Variants in SPIRE2 observed in about 807,000 individuals in gnomAD.
SPIRE2 encodes the protein protein spire homolog 2.
Under a neutral mutation model 80.7 loss-of-function variants are expected in SPIRE2, and 76 were observed. The observed-to-expected ratio is 0.94, with a 90% CI of 0.78 to 1.14. The LOEUF is 1.14. Among genes scored for constraint, SPIRE2 ranks in the 50% most tolerant of loss-of-function variants. The probability of loss-of-function intolerance (pLI) is 0.00; values close to 1 mark genes in which losing one functional copy is unlikely to be tolerated. For missense variants in SPIRE2, 1,196 were observed against 1,015.3 expected (o/e 1.18, Z -2.42); for synonymous variants, 535 against 432.6 (o/e 1.24, Z -2.94).
intron 1 of SPIRE2, among the ~76,000 whole-genome samples, chr16:89,842,459 C>A (rs965236801): frequency 7.3e-5 from 11 of 151,592 alleles, no homozygotes; most frequent in African/African-American, 2.4e-4. Flanking sequence ...GTGATCCACC[C>A]ACTTCGGCCT....
At chr16:89,832,657 G>C (rs370698819) in intron 1 of SPIRE2, among the ~76,000 whole-genome samples, 1 of 152,204 alleles carries the variant, frequency 6.6e-6, no homozygotes, top group East Asian at 1.9e-4. Flanking sequence ...TGCTTCTATT[G>C]CACCCTGGGA....
At chr16:89,844,835 G>A (rs1010475100) in intron 1 of SPIRE2, among the ~76,000 whole-genome samples, 2 of 152,120 alleles carry the variant, frequency 1.3e-5, no homozygotes, top group Non-Finnish European at 2.9e-5. Context: ...CTCCCACCTC[G>A]GCATCTCAAA....
rs1597226755 is a variant in SPIRE2, at chr16:89,869,047, A to AT, written c.1807-520_1807-519insT. On this transcript the variant is annotated intron_variant, in intron 13 of 14. Coordinates refer to ENST00000378247, the MANE Select transcript of SPIRE2 (RefSeq NM_032451.2). Reference sequence around the variant, plus strand: ...TCTGTGTCTTAAAAAAAAAAAAAAAAAAAAAAATATATATATATATATATA... The same window carrying AT: ...TCTGTGTCTTAAAAAAAAAAAAAAAATAAAAAAATATATATATATATATATA... Among the ~76,000 whole-genome samples the AT allele has an allele frequency of 8.6e-5, 3 of 34,962 alleles. 1 individual carries two copies. The highest frequency in any genetic ancestry group is 3.8e-4 in the African/African-American group (2 of 5,260). 22.9% of individuals were successfully genotyped at this position (34,962 alleles called of 152,430 possible).
chr16:89,869,553 C>T lies in SPIRE2; in HGVS notation c.1807-14C>T, dbSNP rs1567679861. 2 of 1,568,874 alleles carry T rather than the reference C, an allele frequency of 1.3e-6. No individual in the cohort carries two copies. Among genetic ancestry groups the T allele is most frequent in the East Asian group, 2.2e-5 (1 of 44,652 alleles). Reference sequence around the variant, plus strand: ...GGTGGTGCCTGGTTCATACCTCCTCCCTCTGTGCTGCAGATGAAGATGCCT... The same window carrying T: ...GGTGGTGCCTGGTTCATACCTCCTCTCTCTGTGCTGCAGATGAAGATGCCT... On this transcript the variant is annotated splice_polypyrimidine_tract_variant and intron_variant, in intron 13 of 14. Coordinates refer to ENST00000378247, the MANE Select transcript of SPIRE2 (RefSeq NM_032451.2).
intron 1 of SPIRE2, among the ~76,000 whole-genome samples, chr16:89,835,906 G>A (rs1567668987): frequency 6.6e-6 from 1 of 152,144 alleles, no homozygotes; most frequent in South Asian, 2.1e-4. Context: ...CAGGTGTGGT[G>A]GCTCACACCT....
At chr16:89,864,591 G>A (rs767283361) in intron 12 of SPIRE2, among the ~76,000 whole-genome samples, 34 of 152,152 alleles carry the variant, frequency 2.2e-4, no homozygotes, top group Non-Finnish European at 4.3e-4. Flanking sequence ...GGTGCTCAGG[G>A]GCAGGAATGA....
rs2041836613 is a variant in SPIRE2, at chr16:89,871,129, C to T, written c.*857C>T. 6.6e-6 allele frequency: 1 copy of T among 152,654 alleles called. No homozygotes were observed. The highest frequency in any genetic ancestry group is 1.5e-5 in the Non-Finnish European group (1 of 68,498). The allele number at this position is 152,654 out of a possible 1,614,324, so 9.5% of individuals were successfully genotyped here. A position where few individuals can be genotyped will look rare whatever the true frequency, so the allele number is the denominator to read the frequency against. On this transcript the variant is annotated 3_prime_UTR_variant, in exon 15 of 15. Coordinates refer to ENST00000378247, the MANE Select transcript of SPIRE2 (RefSeq NM_032451.2). The stretch of plus-strand genomic sequence containing the variant: ...TGCCAAGCTGCTCCCTGCCCTTGCC[C>T]TTTCCCTTTCCCTGGGGTCCAAACC...
chr16:89,859,051 C>A, intron 8 of SPIRE2, 114 bp from the exon 9 acceptor site: 1 of 966,398 alleles, frequency 1.0e-6, no homozygotes. Context: ...GTGGAGGCTG[C>A]CCCACATCGC....
chr16:89,861,457 G>A (rs959757095), intron 10 of SPIRE2, among the ~76,000 whole-genome samples: 18 of 152,210 alleles, frequency 1.2e-4, no homozygotes, highest in African/African-American at 3.4e-4. Flanking sequence ...GGCACTGTGC[G>A]TATCCCCACC....
Position 89,860,792 on chromosome 16 carries a change from G to T in SPIRE2, c.1572G>T (p.Trp524Cys). The T allele has an allele frequency of 6.7e-7, 1 of 1,501,908 alleles. No homozygotes were observed. The highest frequency in any genetic ancestry group is 8.9e-7 in the Non-Finnish European group (1 of 1,124,746). 93.0% of individuals were successfully genotyped at this position (1,501,908 alleles called of 1,614,324 possible). A position where few individuals can be genotyped will look rare whatever the true frequency, so the allele number is the denominator to read the frequency against. ...ASMTPDAKHL[W>C]LEFSHPVESL... is the part of the protein sequence containing the mutation. Reference sequence around the variant, plus strand: ...TGACCCCCGATGCCAAACACCTGTGGCTGGTGAGTGAGGGTGCGATTGTCG... The same window carrying T: ...TGACCCCCGATGCCAAACACCTGTGTCTGGTGAGTGAGGGTGCGATTGTCG... The change falls in exon 10 of 15, where the codon TGG becomes TGT. Residue 524 changes from tryptophan to cysteine, a missense_variant. Coordinates refer to ENST00000378247, the MANE Select transcript of SPIRE2 (RefSeq NM_032451.2).
chr16:89,841,089 C>G (rs546982730), intron 1 of SPIRE2, among the ~76,000 whole-genome samples: 1 of 150,996 alleles, frequency 6.6e-6, no homozygotes, highest in South Asian at 2.1e-4. Context: ...GAGGCTGAGG[C>G]GGGAGGATCG....
intron 1 of SPIRE2, among the ~76,000 whole-genome samples, chr16:89,829,270 G>C (rs2041356765): frequency 6.6e-6 from 1 of 152,226 alleles, no homozygotes; most frequent in Non-Finnish European, 1.5e-5. Flanking sequence ...CTAAATTCCT[G>C]GGTTTAACTG....
intron 12 of SPIRE2, among the ~76,000 whole-genome samples, chr16:89,865,698 G>A (rs938791620): frequency 2.0e-5 from 3 of 152,106 alleles, no homozygotes; most frequent in South Asian, 2.1e-4. Flanking sequence ...GGCCGGGCGC[G>A]GTGGCTCACA....
At chr16:89,842,750 C>A (rs1379943431) in intron 1 of SPIRE2, among the ~76,000 whole-genome samples, 1 of 152,208 alleles carries the variant, frequency 6.6e-6, no homozygotes, top group Admixed American at 6.5e-5. Flanking sequence ...TCCACCTTCC[C>A]ATGGCCTCGG....
intron 1 of SPIRE2, among the ~76,000 whole-genome samples, chr16:89,837,711 G>A (rs1378925887): frequency 6.6e-6 from 1 of 152,052 alleles, no homozygotes; most frequent in Admixed American, 6.6e-5. Context: ...TCCCGGACTC[G>A]GGTCTCCGCA....
At chr16:89,867,645 C>T (rs1389067095) in intron 12 of SPIRE2, among the ~76,000 whole-genome samples, 4 of 150,338 alleles carry the variant, frequency 2.7e-5, no homozygotes, top group East Asian at 2.0e-4. Context: ...AGTGCAGTGG[C>T]GTGATCTCAG....
At chr16:89,858,066 T>G (rs1435065267) in intron 7 of SPIRE2, among the ~76,000 whole-genome samples, 1 of 151,280 alleles carries the variant, frequency 6.6e-6, no homozygotes, top group African/African-American at 2.4e-5. Context: ...TTGTATTTTT[T>G]AGTAGAGACA....
intron 12 of SPIRE2, 147 bp from the exon 13 acceptor site, chr16:89,868,042 G>C: frequency 1.2e-6 from 1 of 860,168 alleles, no homozygotes; most frequent in Non-Finnish European, 1.9e-6. Flanking sequence ...AGATTTTGGA[G>C]TAAAATAAAG....
Position 89,870,332 on chromosome 16 carries a change from G to T in SPIRE2, c.*60G>T. The T allele has an allele frequency of 9.4e-7, 1 of 1,066,238 alleles. No homozygotes were observed. Among genetic ancestry groups the T allele is most frequent in the South Asian group, 1.4e-5 (1 of 73,406 alleles). The allele number at this position is 1,066,238 out of a possible 1,614,324, so 66.0% of individuals were successfully genotyped here. ...GGCAGGCCCTGTATCAGGCTAGGAC[G>T]CTCTGAGCTGTGCATGTACATATAT... On this transcript the variant is annotated 3_prime_UTR_variant, in exon 15 of 15. Coordinates refer to ENST00000378247, the MANE Select transcript of SPIRE2 (RefSeq NM_032451.2).
Sources: gnomAD v4.1 joint callset for allele counts (sites outside exome capture counted in the v4.1 genomes callset) on GRCh38, gnomAD v4.1.1 for gene constraint, MANE v1.5 for transcripts, NCBI Gene and HGNC (gene_info 2026-07-23, HGNC 2026-07-21) for gene names.